Variants in TP63 observed in about 807,000 individuals in gnomAD.
The protein encoded by TP63 is tumor protein 63.
A neutral mutation model predicts 82.8 loss-of-function variants in TP63; 17 were observed. The ratio of observed to expected loss-of-function variants is 0.21; its 90% CI spans 0.14 to 0.31. The LOEUF is 0.31. TP63 is among the 10% of genes least tolerant of loss of function. TP63 has a pLI of 1.00. For synonymous variants in TP63, 330 were observed against 321.7 expected (o/e 1.03, Z -0.28); for missense variants, 648 against 895.3 (o/e 0.72, Z 3.52).
At chr3:189,754,191 T>G (rs1338129095) in intron 3 of TP63, among the ~76,000 whole-genome samples, 1 of 152,112 alleles carries the variant, frequency 6.6e-6, no homozygotes, top group Non-Finnish European at 1.5e-5. Flanking sequence ...TTTTTCTAAC[T>G]GGGACCATAA....
intron 1 of TP63, among the ~76,000 whole-genome samples, chr3:189,663,653 G>T (rs1714129686): frequency 6.8e-6 from 1 of 147,260 alleles, no homozygotes; most frequent in Non-Finnish European, 1.5e-5. Context: ...TCAGCCTCCT[G>T]AGTAACTGGG....
intron 4 of TP63, among the ~76,000 whole-genome samples, chr3:189,828,057 A>G (rs1353428102): frequency 6.6e-6 from 1 of 152,156 alleles, no homozygotes; most frequent in Non-Finnish European, 1.5e-5. Context: ...CCTGGCTGAT[A>G]TGATGAAACC....
intron 1 of TP63, among the ~76,000 whole-genome samples, chr3:189,702,542 C>A (rs1375524761): frequency 6.6e-6 from 1 of 152,190 alleles, no homozygotes. Flanking sequence ...CAAATGTTTC[C>A]TCTCCTGCCT....
chr3:189,699,658 G>A (rs1473326323), intron 1 of TP63, among the ~76,000 whole-genome samples: 1 of 151,448 alleles, frequency 6.6e-6, no homozygotes, highest in Non-Finnish European at 1.5e-5. Context: ...AATGGCACTA[G>A]CATATTTGTT....
At chr3:189,662,373 T>C (rs992080327) in intron 1 of TP63, among the ~76,000 whole-genome samples, 9 of 152,046 alleles carry the variant, frequency 5.9e-5, no homozygotes, top group African/African-American at 1.9e-4. Flanking sequence ...AATTGCCTAG[T>C]TTTGAGAGAT....
chr3:189,830,999 C>T (rs940352863), intron 4 of TP63, among the ~76,000 whole-genome samples: 1 of 152,162 alleles, frequency 6.6e-6, no homozygotes, highest in Non-Finnish European at 1.5e-5. Flanking sequence ...ACCAAAGTTC[C>T]TCTACCAGCT....
At chr3:189,703,224 A>G (rs1717944472) in intron 1 of TP63, among the ~76,000 whole-genome samples, 1 of 152,192 alleles carries the variant, frequency 6.6e-6, no homozygotes, top group Non-Finnish European at 1.5e-5. Context: ...TGTTGAGCTC[A>G]GGGATTTGGG....
At chr3:189,619,443 C>G in the TP63 span, among the ~76,000 whole-genome samples, 1,746 of 152,244 alleles carry the variant, frequency 0.011, 23 homozygotes, top group Admixed American at 0.036. Flanking sequence ...TTCCAACCAG[C>G]CTTAGCTAAA....
intron 1 of TP63, among the ~76,000 whole-genome samples, chr3:189,677,356 A>AATTATATATATAAATATATATAAATG (rs1366183612): frequency 1.4e-5 from 2 of 147,064 alleles, no homozygotes; most frequent in Non-Finnish European, 3.0e-5. Flanking sequence ...ATATATAAAT[A>AATTATATATATAAATATATATAAATG]ATTATATATT....
chr3:189,785,885 G>A (rs1475129675), intron 3 of TP63, among the ~76,000 whole-genome samples: 1 of 151,868 alleles, frequency 6.6e-6, no homozygotes, highest in East Asian at 1.9e-4. Flanking sequence ...TTCCTTTTTT[G>A]CCCTCATTCA....
intron 10 of TP63, chr3:189,880,635 G>A (rs569441238): frequency 1.0e-6 from 1 of 985,772 alleles, no homozygotes; most frequent in East Asian, 1.1e-4. Flanking sequence ...CTGTGCATAA[G>A]TAAGTTGTAG....
chr3:189,824,834 T>TAAAA (rs75963451), intron 4 of TP63, among the ~76,000 whole-genome samples: 1 of 138,752 alleles, frequency 7.2e-6, no homozygotes. Context: ...TTTGTAGGTT[T>TAAAA]AAAAAAAAAA....
chr3:189,840,750 C>T (rs1713964411), intron 4 of TP63, among the ~76,000 whole-genome samples: 1 of 149,440 alleles, frequency 6.7e-6, no homozygotes, highest in South Asian at 2.1e-4. Context: ...CCCAGCTACT[C>T]GGGAGCCTGA....
chr3:189,687,225 G>A (rs1236267328), intron 1 of TP63, among the ~76,000 whole-genome samples: 17 of 152,116 alleles, frequency 1.1e-4, no homozygotes, highest in Admixed American at 1.1e-3. Flanking sequence ...GGTCAAATCA[G>A]CTCCACTTGA....
chr3:189,757,552 G>C (rs563445133), intron 3 of TP63, among the ~76,000 whole-genome samples: 1 of 152,168 alleles, frequency 6.6e-6, no homozygotes, highest in Admixed American at 6.5e-5. Flanking sequence ...TTTAGACTGT[G>C]TTAAATTTGG....
At chr3:189,655,154 T>C (rs972944442) in intron 1 of TP63, among the ~76,000 whole-genome samples, 1 of 152,198 alleles carries the variant, frequency 6.6e-6, no homozygotes, top group African/African-American at 2.4e-5. Flanking sequence ...TAAATGAAAA[T>C]TGAGATCTCT....
chr3:189,881,366 C>G, intron 10 of TP63: 1 of 985,230 alleles, frequency 1.0e-6, no homozygotes. Context: ...ATGTTCCTCC[C>G]CTCCATCTTC....
intron 1 of TP63, among the ~76,000 whole-genome samples, chr3:189,656,646 T>C (rs2108645674): frequency 2.0e-5 from 3 of 152,240 alleles, no homozygotes; most frequent in Middle Eastern, 3.4e-3. Flanking sequence ...AGGACAGAGA[T>C]ATTTTAAGGG....
chr3:189,878,088 A>T (rs770686352), intron 10 of TP63, among the ~76,000 whole-genome samples: 3 of 152,078 alleles, frequency 2.0e-5, no homozygotes, highest in Non-Finnish European at 4.4e-5. Context: ...TGTATCTTTA[A>T]ACTTGTTTGG....
Sources: allele counts gnomAD v4.1 joint callset (sites outside exome capture counted in the v4.1 genomes callset), GRCh38; gene constraint gnomAD v4.1.1; transcripts MANE v1.5; gene names NCBI Gene and HGNC (gene_info 2026-07-23, HGNC 2026-07-21).